THRB: variants seen among roughly 807,000 people sequenced by gnomAD.
THRB encodes nuclear receptor subfamily 1 group A member 2.
A neutral mutation model predicts 47.8 loss-of-function variants in THRB; 12 were observed. The ratio of observed to expected loss-of-function variants is 0.25; its 90% CI spans 0.16 to 0.41. THRB has a LOEUF of 0.41. Ranked by LOEUF, THRB falls within the 10% of genes least tolerant of loss-of-function variation. THRB has a pLI of 1.00. For synonymous variants in THRB, 218 were observed against 212.2 expected (o/e 1.03, Z -0.24); for missense variants, 348 against 589.2 (o/e 0.59, Z 4.24).
rs563076057 is a variant in THRB at position 24,184,828 on chromosome 3, G to C, written c.283+5246C>G. On this transcript the variant is annotated intron_variant, in intron 5 of 10. Transcript: ENST00000646209. Reference sequence around the variant, plus strand: ...GGATGGAGCAGATGGTAGTACTGGCGGAAGGGCACAAGCTTTTTAATCCTC... The same window carrying C: ...GGATGGAGCAGATGGTAGTACTGGCCGAAGGGCACAAGCTTTTTAATCCTC... Among the ~76,000 whole-genome samples the C allele has an allele frequency of 1.6e-4, 24 of 152,266 alleles. 1 individual carries two copies. Among genetic ancestry groups the C allele is most frequent in the African/African-American group, 5.8e-4 (24 of 41,578 alleles).
At chr3:24,336,692 C>A (rs1035372972) in intron 2 of THRB, among the ~76,000 whole-genome samples, 1 of 150,906 alleles carries the variant, frequency 6.6e-6, no homozygotes, top group East Asian at 1.9e-4. Context: ...ATCTGACTCG[C>A]TGGAACCAAT....
At chr3:24,412,232 T>C (rs1268440760) in intron 1 of THRB, among the ~76,000 whole-genome samples, 1 of 151,832 alleles carries the variant, frequency 6.6e-6, no homozygotes, top group African/African-American at 2.4e-5. Flanking sequence ...TAGAGACAAA[T>C]GAGAACTTCA....
chr3:24,265,872 T>C (rs2052598638), intron 3 of THRB, among the ~76,000 whole-genome samples: 1 of 152,142 alleles, frequency 6.6e-6, no homozygotes, highest in South Asian at 2.1e-4. Flanking sequence ...AAATGATATA[T>C]GAAGTTTGAA....
chr3:24,278,837 CATTT>C (rs1174463755), intron 3 of THRB, among the ~76,000 whole-genome samples: 5 of 152,072 alleles, frequency 3.3e-5, no homozygotes, highest in Non-Finnish European at 5.9e-5. Context: ...ATTTATATTA[CATTT>C]ATTTATTTAT....
chr3:24,443,887 T>G (rs960004050), intron 1 of THRB, among the ~76,000 whole-genome samples: 1 of 152,178 alleles, frequency 6.6e-6, no homozygotes, highest in Non-Finnish European at 1.5e-5. Flanking sequence ...TACACAATTC[T>G]AAGAGGAGGA....
chr3:24,438,142 A>G lies in THRB; in HGVS notation c.-261+56510T>C, dbSNP rs187578437. 1.2e-4 allele frequency among the ~76,000 whole-genome samples: 18 copies of G among 152,016 alleles called. No homozygotes were observed. The Middle Eastern group carries it at 0.01, about 86-fold the overall frequency. ...TTATACATACAATTGAGATTAAGAA[A>G]GGTGAAATGAATGGAAGGTTACATG... On this transcript the variant is annotated intron_variant, in intron 1 of 10. Coordinates refer to ENST00000646209, the MANE Select transcript of THRB (RefSeq NM_001354712.2).
intron 1 of THRB, among the ~76,000 whole-genome samples, chr3:24,391,860 T>C (rs1035944819): frequency 6.6e-6 from 1 of 152,144 alleles, no homozygotes; most frequent in Admixed American, 6.6e-5. Flanking sequence ...ACTAACTGAC[T>C]TACTCTTCGT....
At chr3:24,270,544 G>C (rs531896100) in intron 3 of THRB, among the ~76,000 whole-genome samples, 7 of 152,342 alleles carry the variant, frequency 4.6e-5, no homozygotes, top group African/African-American at 1.7e-4. Context: ...CTAGAAATTA[G>C]ATACGTCCCA....
chr3:24,185,760 G>GATCCATGC (rs1168221760), intron 5 of THRB, among the ~76,000 whole-genome samples: 1 of 152,142 alleles, frequency 6.6e-6, no homozygotes, highest in African/African-American at 2.4e-5. Context: ...CAGCTCCAGG[G>GATCCATGC]ATCCATGCAT....
intron 1 of THRB, among the ~76,000 whole-genome samples, chr3:24,371,189 G>C (rs895929487): frequency 7.2e-5 from 11 of 152,016 alleles, no homozygotes; most frequent in African/African-American, 1.7e-4. Flanking sequence ...CATCCAAACT[G>C]ACAAACTTAG....
At chr3:24,166,158 C>T (rs73823218) in intron 5 of THRB, among the ~76,000 whole-genome samples, 1 of 152,122 alleles carries the variant, frequency 6.6e-6, no homozygotes, top group Non-Finnish European at 1.5e-5. Context: ...CTGTTCCTTG[C>T]GCATGATTAT....
At chr3:24,242,702 C>T (rs2049673268) in intron 3 of THRB, among the ~76,000 whole-genome samples, 1 of 152,148 alleles carries the variant, frequency 6.6e-6, no homozygotes, top group Non-Finnish European at 1.5e-5. Context: ...TAGCCTTATC[C>T]TTCTCTTCTG....
intron 1 of THRB, among the ~76,000 whole-genome samples, chr3:24,376,413 G>C (rs1214766760): frequency 2.6e-5 from 4 of 152,164 alleles, no homozygotes; most frequent in Non-Finnish European, 5.9e-5. Context: ...GGAATTTGTG[G>C]AGCAAAGTAT....
chr3:24,150,826 AG>A (rs1309009950), intron 6 of THRB, among the ~76,000 whole-genome samples: 1 of 152,220 alleles, frequency 6.6e-6, no homozygotes, highest in Non-Finnish European at 1.5e-5. Flanking sequence ...GCTGCAACTA[AG>A]GTAGGGAAAG....
In THRB at chr3:24,190,208, T is replaced by A. The variant is rs1337139174; in HGVS notation, c.149A>T (p.Lys50Ile). The A allele has an allele frequency of 6.2e-7, 1 of 1,614,002 alleles. No individual in the cohort carries two copies. Among genetic ancestry groups the A allele is most frequent in the Non-Finnish European group, 8.5e-7 (1 of 1,180,002 alleles). ...KSHSERRSTL[K>I]NEQSSPHLIQ... The stretch of plus-strand genomic sequence containing the variant: ...GAGATGTGGCGACGACTGTTCATTT[T>A]TCAACGTGCTGCGCCTCTCTGAATG... The change falls in exon 5 of 11, where the codon AAA becomes ATA. Residue 50 changes from lysine (K) to isoleucine (I), a missense_variant. Lys to Ile is a moderately radical substitution (Grantham distance 102). Transcript: ENST00000646209.
At chr3:24,492,982 C>G (rs1185344449) in intron 1 of THRB, among the ~76,000 whole-genome samples, 1 of 152,212 alleles carries the variant, frequency 6.6e-6, no homozygotes, top group African/African-American at 2.4e-5. Flanking sequence ...TAATAAACCT[C>G]TGAGATCAGG....
intron 3 of THRB, among the ~76,000 whole-genome samples, chr3:24,238,274 TG>T (rs1559698630): frequency 0.033 from 259 of 7,938 alleles, 5 homozygotes; most frequent in African/African-American, 0.088. Flanking sequence ...TGTGTGTGTG[TG>T]TGTGGGGGGG....
chr3:24,264,398 G>GTTTGTTTGT (rs1314174796), intron 3 of THRB, among the ~76,000 whole-genome samples: 2 of 152,006 alleles, frequency 1.3e-5, no homozygotes, highest in African/African-American at 4.8e-5. Flanking sequence ...TTTTTTGTTT[G>GTTTGTTTGT]TTTGTTTGTT....
chr3:24,218,545 G>T (rs1482994879), intron 4 of THRB, among the ~76,000 whole-genome samples: 2 of 148,074 alleles, frequency 1.4e-5, no homozygotes, highest in African/African-American at 2.5e-5. Flanking sequence ...ATTTACATTT[G>T]TTTTTTTTTT....
Sources: allele counts gnomAD v4.1 joint callset (sites outside exome capture counted in the v4.1 genomes callset), GRCh38; gene constraint gnomAD v4.1.1; transcripts MANE v1.5; gene names NCBI Gene and HGNC (gene_info 2026-07-23, HGNC 2026-07-21).